The following EXOC6B variants were observed in gnomAD, a reference collection of about 807,000 sequenced individuals.
EXOC6B encodes the protein exocyst complex component 6B.
A neutral mutation model predicts 113.5 loss-of-function variants in EXOC6B; 54 were observed. The ratio of observed to expected loss-of-function variants is 0.48; its 90% CI spans 0.38 to 0.60. EXOC6B has a LOEUF of 0.60. EXOC6B is among the 20% of genes least tolerant of loss of function. The pLI, the probability that EXOC6B is intolerant of heterozygous loss-of-function variation, is 0.00. For synonymous variants in EXOC6B, 357 were observed against 339.0 expected, an observed-to-expected ratio of 1.05 and a Z score of -0.58; for missense variants, 797 against 977.5, an observed-to-expected ratio of 0.82 and a Z score of 2.46.
chr2:72,684,662 C>T (rs1676953925), intron 6 of EXOC6B, among the ~76,000 whole-genome samples: 1 of 152,116 alleles, frequency 6.6e-6, no homozygotes, highest in African/African-American at 2.4e-5. Context: ...CATGTAACAA[C>T]ATAGAGGCAT....
intron 11 of EXOC6B, among the ~76,000 whole-genome samples, chr2:72,505,805 T>C (rs542218707): frequency 1.3e-5 from 2 of 152,276 alleles, no homozygotes; most frequent in South Asian, 2.1e-4. Flanking sequence ...GTTTAAGGAA[T>C]TCTCTCCAGT....
At chr2:72,467,682 T>C (rs921576026) in intron 17 of EXOC6B, among the ~76,000 whole-genome samples, 3 of 152,244 alleles carry the variant, frequency 2.0e-5, no homozygotes, top group Non-Finnish European at 2.9e-5. Flanking sequence ...GGTTGTTTTC[T>C]TGCTATTGAA....
At chr2:72,267,106 T>G (rs1300241781) in intron 20 of EXOC6B, among the ~76,000 whole-genome samples, 3 of 152,198 alleles carry the variant, frequency 2.0e-5, no homozygotes, top group African/African-American at 4.8e-5. Flanking sequence ...ACATTGATTT[T>G]GTATCCTGAG....
intron 20 of EXOC6B, among the ~76,000 whole-genome samples, chr2:72,192,328 T>C (rs1339424592): frequency 3.3e-5 from 5 of 152,216 alleles, no homozygotes; most frequent in Admixed American, 3.3e-4. Context: ...TACTTTGTGC[T>C]TCTCATATCA....
At chr2:72,453,636 A>T (rs1007699562) in intron 18 of EXOC6B, among the ~76,000 whole-genome samples, 1 of 152,210 alleles carries the variant, frequency 6.6e-6, no homozygotes, top group Non-Finnish European at 1.5e-5. Context: ...TTCACTGAAT[A>T]ATAGTATTAA....
intron 8 of EXOC6B, among the ~76,000 whole-genome samples, chr2:72,519,847 T>C (rs988616504): frequency 2.0e-5 from 3 of 152,094 alleles, no homozygotes; most frequent in African/African-American, 7.2e-5. Flanking sequence ...AGCAGAGAGA[T>C]AGTAATAAAG....
chr2:72,663,411 T>A (rs1165040227), intron 6 of EXOC6B, among the ~76,000 whole-genome samples: 1 of 152,098 alleles, frequency 6.6e-6, no homozygotes, highest in African/African-American at 2.4e-5. Context: ...GTTTTAGAAA[T>A]CGATAAAAAA....
chr2:72,224,601 G>A (rs1176580451), intron 20 of EXOC6B, among the ~76,000 whole-genome samples: 1 of 152,048 alleles, frequency 6.6e-6, no homozygotes, highest in Non-Finnish European at 1.5e-5. Context: ...AAATATATGT[G>A]TAGTTTCAAA....
intron 6 of EXOC6B, among the ~76,000 whole-genome samples, chr2:72,681,808 T>C (rs895860300): frequency 6.6e-6 from 1 of 152,096 alleles, no homozygotes; most frequent in African/African-American, 2.4e-5. Flanking sequence ...CACATATTCA[T>C]GAATTTCCTA....
intron 7 of EXOC6B, among the ~76,000 whole-genome samples, chr2:72,568,391 A>G (rs1366410236): frequency 6.6e-6 from 1 of 152,050 alleles, no homozygotes; most frequent in East Asian, 1.9e-4. Flanking sequence ...AAATTTCCTG[A>G]TGTAATCACT....
intron 18 of EXOC6B, among the ~76,000 whole-genome samples, chr2:72,431,489 CTA>C (rs1695522307): frequency 1.7e-5 from 2 of 118,730 alleles, no homozygotes; most frequent in African/African-American, 6.0e-5. Flanking sequence ...ATTTCTTTAT[CTA>C]TCTATCTATC....
chr2:72,783,307 CT>C (rs1684168311), intron 1 of EXOC6B, among the ~76,000 whole-genome samples: 1 of 119,192 alleles, frequency 8.4e-6, no homozygotes. Context: ...TTGGTCACTT[CT>C]TTTTCTTTTC....
At chr2:72,724,005 C>G (rs1444448844) in intron 5 of EXOC6B, among the ~76,000 whole-genome samples, 1 of 152,144 alleles carries the variant, frequency 6.6e-6, no homozygotes, top group Non-Finnish European at 1.5e-5. Flanking sequence ...GCTCAGCAGC[C>G]TTGCTGACTT....
intron 6 of EXOC6B, among the ~76,000 whole-genome samples, chr2:72,715,724 T>A (rs1016728879): frequency 2.0e-5 from 3 of 152,188 alleles, no homozygotes; most frequent in African/African-American, 7.2e-5. Flanking sequence ...ATAGTTATTT[T>A]ATTCTAGCTT....
intron 20 of EXOC6B, among the ~76,000 whole-genome samples, chr2:72,277,167 T>C (rs938103114): frequency 6.6e-6 from 1 of 152,228 alleles, no homozygotes; most frequent in African/African-American, 2.4e-5. Context: ...GTTTTGTTAT[T>C]GTTGCTGAAT....
chr2:72,268,584 G>T (rs1461159092), intron 20 of EXOC6B, among the ~76,000 whole-genome samples: 1 of 152,156 alleles, frequency 6.6e-6, no homozygotes, highest in East Asian at 1.9e-4. Context: ...TCGTTTGGAT[G>T]TGTATCCCCT....
At chr2:72,382,520 T>C (rs1691748300) in intron 18 of EXOC6B, among the ~76,000 whole-genome samples, 1 of 152,170 alleles carries the variant, frequency 6.6e-6, no homozygotes, top group South Asian at 2.1e-4. Context: ...TTCGGGGTCT[T>C]TTTTGGTTCT....
chr2:72,457,970 A>G (rs868240399), intron 18 of EXOC6B, among the ~76,000 whole-genome samples: 1 of 152,142 alleles, frequency 6.6e-6, no homozygotes, highest in Non-Finnish European at 1.5e-5. Flanking sequence ...TGTGTCACAC[A>G]CAAACACACT....
intron 6 of EXOC6B, among the ~76,000 whole-genome samples, chr2:72,674,038 T>G (rs535607437): frequency 5.4e-4 from 82 of 151,270 alleles, no homozygotes; most frequent in African/African-American, 1.1e-3. Context: ...TTGGGGGGGG[T>G]TTCATATTTA....
Sources: allele counts gnomAD v4.1 joint callset (sites outside exome capture counted in the v4.1 genomes callset), GRCh38; gene constraint gnomAD v4.1.1; transcripts MANE v1.5; gene names NCBI Gene and HGNC (gene_info 2026-07-23, HGNC 2026-07-21).